Variants in ATR observed in about 807,000 individuals in gnomAD.
ATR encodes the protein serine/threonine-protein kinase ATR.
ATR carries 142 observed loss-of-function variants against 305.3 expected under a neutral mutation model. That is an observed-to-expected ratio of 0.47 (90% CI 0.41 to 0.53). ATR has a LOEUF of 0.53. Ranked by LOEUF, ATR falls within the 20% of genes least tolerant of loss-of-function variation. The pLI, the probability that ATR is intolerant of heterozygous loss-of-function variation, is 0.00. For synonymous variants in ATR, 1,050 were observed against 1,068.1 expected, an observed-to-expected ratio of 0.98 and a Z score of 0.33; for missense variants, 2,135 against 3,133.1, an observed-to-expected ratio of 0.68 and a Z score of 7.60.
intron 27 of ATR, among the ~76,000 whole-genome samples, chr3:142,511,539 C>T (rs2032567292): frequency 1.3e-5 from 2 of 151,938 alleles, no homozygotes; most frequent in South Asian, 4.1e-4. Flanking sequence ...ACCTGTAATC[C>T]CAGCTACTCG....
intron 41 of ATR, 53 bp from the exon 42 acceptor site, chr3:142,462,143 AATGTT>A: frequency 1.3e-6 from 2 of 1,505,384 alleles, no homozygotes; most frequent in Admixed American, 1.7e-5. Context: ...AAAATTTCTA[AATGTT>A]ATATCAAATA....
intron 9 of ATR, 105 bp downstream of exon 9, chr3:142,556,278 A>G: frequency 6.8e-7 from 1 of 1,481,376 alleles, no homozygotes; most frequent in Non-Finnish European, 9.2e-7. Context: ...TAAAAGCAAC[A>G]TTTGCTTTAC....
intron 38 of ATR, among the ~76,000 whole-genome samples, chr3:142,469,054 C>T (rs113275121): frequency 4.6e-4 from 70 of 152,120 alleles, no homozygotes; most frequent in African/African-American, 1.6e-3. Context: ...ACATAGGTAA[C>T]CATTTTGCAT....
At chr3:142,576,294 G>C (rs1413306958) in intron 1 of ATR, among the ~76,000 whole-genome samples, 1 of 152,188 alleles carries the variant, frequency 6.6e-6, no homozygotes, top group Non-Finnish European at 1.5e-5. Context: ...GTTCTGCTTT[G>C]GATATGTTAA....
chr3:142,474,917 A>T (rs897777520), intron 36 of ATR, among the ~76,000 whole-genome samples: 22 of 151,912 alleles, frequency 1.4e-4, no homozygotes, highest in African/African-American at 3.9e-4. Context: ...TTTTTTTTTA[A>T]AAAAAGTTTG....
At chr3:142,486,975 A>C (rs1048949023) in intron 35 of ATR, among the ~76,000 whole-genome samples, 5 of 150,226 alleles carry the variant, frequency 3.3e-5, no homozygotes, top group African/African-American at 4.9e-5. Flanking sequence ...AAAAAAAAAA[A>C]AAAAAACAAT....
rs535301899 is a variant in ATR, at chr3:142,538,105, C to T, written c.3725+377G>A. ...GAAGAGAGGCTGGTTCAAAGCTTAA[C>T]GCAATGAGGTAATAAGGGTTTCAAC... On this transcript the variant is annotated intron_variant, in intron 19 of 46. Coordinates refer to ENST00000350721, the MANE Select transcript of ATR (RefSeq NM_001184.4). Among the ~76,000 whole-genome samples the T allele has an allele frequency of 9.2e-5, 14 of 152,198 alleles. 1 individual carries two copies. Among genetic ancestry groups the T allele is most frequent in the Admixed American group, 2.6e-4 (4 of 15,282 alleles).
At chr3:142,520,718 A>G (rs2033110920) in intron 23 of ATR, among the ~76,000 whole-genome samples, 1 of 152,086 alleles carries the variant, frequency 6.6e-6, no homozygotes, top group African/African-American at 2.4e-5. Context: ...CTTCTTAAAA[A>G]ACAAAAAAAA....
At chr3:142,542,561 C>A in intron 17 of ATR, 104 bp downstream of exon 17, 1 of 1,056,158 alleles carries the variant, frequency 9.5e-7, no homozygotes, top group Non-Finnish European at 1.4e-6. Context: ...TAGAGAATGT[C>A]ATATTTGGTT....
At chr3:142,458,283 CCAAT>C (rs2070949813) in intron 44 of ATR, among the ~76,000 whole-genome samples, 1 of 152,168 alleles carries the variant, frequency 6.6e-6, no homozygotes, top group South Asian at 2.1e-4. Flanking sequence ...CATCCCTTGT[CCAAT>C]CAGTTACCCT....
At chr3:142,514,217 G>A (rs1031727612) in intron 25 of ATR, among the ~76,000 whole-genome samples, 1 of 151,844 alleles carries the variant, frequency 6.6e-6, no homozygotes, top group Admixed American at 6.6e-5. Flanking sequence ...AGGTTGCAGT[G>A]AGCCGAGACT....
intron 10 of ATR, among the ~76,000 whole-genome samples, chr3:142,554,319 C>A (rs1002008423): frequency 6.6e-6 from 1 of 152,076 alleles, no homozygotes; most frequent in African/African-American, 2.4e-5. Context: ...CCCTGACCTC[C>A]CAGGTTCAAG....
At chr3:142,471,527 C>T (rs2071265683) in intron 36 of ATR, among the ~76,000 whole-genome samples, 1 of 152,054 alleles carries the variant, frequency 6.6e-6, no homozygotes, top group African/African-American at 2.4e-5. Flanking sequence ...CTTATTTTGT[C>T]AAGATTAATT....
At chr3:142,556,639 CAT>C in intron 8 of ATR, 64 bp from the exon 9 acceptor site, 8 of 1,429,584 alleles carry the variant, frequency 5.6e-6, no homozygotes, top group South Asian at 1.2e-5. Flanking sequence ...TACACATATA[CAT>C]ATATATAAGT....
intron 27 of ATR, among the ~76,000 whole-genome samples, chr3:142,508,730 C>T (rs963160265): frequency 6.6e-5 from 10 of 151,706 alleles, no homozygotes; most frequent in African/African-American, 1.9e-4. Context: ...GAGACCATCC[C>T]GGCTAACACG....
chr3:142,469,584 A>C lies in ATR; in HGVS notation c.6320-15T>G. Reference sequence around the variant, plus strand: ...GGAGCGGCCAGCTGGGGGAAGAAATAAGTTTAAAAAACAATAAAGGAAAGA... The same window carrying C: ...GGAGCGGCCAGCTGGGGGAAGAAATCAGTTTAAAAAACAATAAAGGAAAGA... On this transcript the variant is annotated splice_polypyrimidine_tract_variant and intron_variant, in intron 37 of 46. Transcript: ENST00000350721. 6.3e-7 allele frequency: 1 copy of C among 1,585,666 alleles called. No homozygotes were observed. Among genetic ancestry groups the C allele is most frequent in the Non-Finnish European group, 8.7e-7 (1 of 1,154,544 alleles).
chr3:142,525,179 C>T (rs1189055007), intron 21 of ATR, among the ~76,000 whole-genome samples: 1 of 152,136 alleles, frequency 6.6e-6, no homozygotes, highest in Non-Finnish European at 1.5e-5. Context: ...TAAGAAGTGT[C>T]ACTTTTTATC....
At chr3:142,564,205 C>G (rs1473074811) in intron 3 of ATR, among the ~76,000 whole-genome samples, 2 of 152,154 alleles carry the variant, frequency 1.3e-5, no homozygotes, top group South Asian at 2.1e-4. Context: ...CTTTTATATG[C>G]ACTGGGAAAC....
intron 27 of ATR, 49 bp from the exon 28 acceptor site, chr3:142,508,158 T>C (rs1164010411): frequency 2.0e-6 from 3 of 1,491,458 alleles, no homozygotes; most frequent in Non-Finnish European, 2.8e-6. Flanking sequence ...AGATAAAATT[T>C]AAAAGTGTCA....
Sources: gnomAD v4.1 joint callset for allele counts (sites outside exome capture counted in the v4.1 genomes callset) on GRCh38, gnomAD v4.1.1 for gene constraint, MANE v1.5 for transcripts, NCBI Gene and HGNC (gene_info 2026-07-23, HGNC 2026-07-21) for gene names.